ADGRL3: variants seen among roughly 807,000 people sequenced by gnomAD.
ADGRL3 encodes the protein calcium-independent alpha-latrotoxin receptor 3.
ADGRL3 carries 62 observed loss-of-function variants against 153.5 expected under a neutral mutation model. The observed-to-expected ratio is 0.40, with a 90% CI of 0.33 to 0.50. The LOEUF (loss-of-function observed/expected upper bound fraction) is 0.50. Ranked by LOEUF, ADGRL3 falls within the 20% of genes least tolerant of loss-of-function variation. The pLI, the probability that ADGRL3 is intolerant of heterozygous loss-of-function variation, is 0.47. For missense variants in ADGRL3, 1,641 were observed against 1,859.4 expected (o/e 0.88, Z 2.16); for synonymous variants, 710 against 672.5 (o/e 1.06, Z -0.86).
intron 2 of ADGRL3, among the ~76,000 whole-genome samples, chr4:61,487,437 G>A (rs1489885645): frequency 6.6e-6 from 1 of 152,060 alleles, no homozygotes; most frequent in Admixed American, 6.5e-5. Flanking sequence ...GGCACAGTAA[G>A]GGCTTAATAA....
chr4:61,549,747 A>G (rs1487616789), intron 4 of ADGRL3, among the ~76,000 whole-genome samples: 1 of 152,034 alleles, frequency 6.6e-6, no homozygotes, highest in Non-Finnish European at 1.5e-5. Flanking sequence ...GCCTTGAACA[A>G]TATCTTGCAT....
chr4:62,005,959 T>G (rs1466693760), intron 21 of ADGRL3, among the ~76,000 whole-genome samples: 2 of 105,876 alleles, frequency 1.9e-5, no homozygotes, highest in East Asian at 6.4e-4. Context: ...CATACATATA[T>G]ATACACATAC....
intron 2 of ADGRL3, among the ~76,000 whole-genome samples, chr4:61,445,509 T>C (rs1162468868): frequency 6.6e-6 from 1 of 152,198 alleles, no homozygotes; most frequent in East Asian, 1.9e-4. Flanking sequence ...GTCATAGGCC[T>C]TGAGAGAGAT....
At chr4:61,979,828 A>T in intron 18 of ADGRL3, 56 bp downstream of exon 18, 1 of 1,368,190 alleles carries the variant, frequency 7.3e-7, no homozygotes, top group Non-Finnish European at 1.0e-6. Context: ...GCTTTTCAGT[A>T]GCGCCAATAC....
chr4:61,435,086 A>G (rs1475751267), intron 2 of ADGRL3, among the ~76,000 whole-genome samples: 1 of 152,112 alleles, frequency 6.6e-6, no homozygotes, highest in Non-Finnish European at 1.5e-5. Context: ...ACATTTTTAA[A>G]TGCCAGAACA....
In ADGRL3 at chr4:61,202,417, G is replaced by A. The variant is rs980004890; in HGVS notation, c.-240+652G>A. Among the ~76,000 whole-genome samples, 1 of 152,286 alleles carries A rather than the reference G, an allele frequency of 6.6e-6. No individual in the cohort carries two copies. The highest frequency in any genetic ancestry group is 2.1e-4 in the South Asian group (1 of 4,830). On this transcript the variant is annotated intron_variant, in intron 1 of 26. Transcript: ENST00000683033. The surrounding 1 kb of genome is among the most constrained non-coding windows in gnomAD (Gnocchi z 5.0). Reference sequence around the variant, plus strand: ...CTTCACGGCAGTTTGGTTTAGACCTGCGTGCCCAGGCTTTGTTAGGCGGTT... The same window carrying A: ...CTTCACGGCAGTTTGGTTTAGACCTACGTGCCCAGGCTTTGTTAGGCGGTT...
At chr4:61,847,249 T>C (rs2149082875) in intron 9 of ADGRL3, among the ~76,000 whole-genome samples, 1 of 152,052 alleles carries the variant, frequency 6.6e-6, no homozygotes, top group East Asian at 1.9e-4. Context: ...TTCATGATTG[T>C]ATCCTTAAGA....
chr4:61,507,462 A>G (rs335288), intron 3 of ADGRL3, among the ~76,000 whole-genome samples: 32,344 of 152,080 alleles, frequency 0.21, 5,246 homozygotes, highest in African/African-American at 0.46. Flanking sequence ...CCAACATAAC[A>G]TAATCGATCA....
intron 9 of ADGRL3, among the ~76,000 whole-genome samples, chr4:61,829,708 A>C (rs2148843700): frequency 6.6e-6 from 1 of 152,318 alleles, no homozygotes; most frequent in South Asian, 2.1e-4. Context: ...TTTTAAAAAA[A>C]GAACTTCTCC....
At chr4:61,374,705 C>T (rs1423531602) in intron 1 of ADGRL3, among the ~76,000 whole-genome samples, 1 of 152,058 alleles carries the variant, frequency 6.6e-6, no homozygotes, top group African/African-American at 2.4e-5. Context: ...CCTTTCAGAC[C>T]TCCAGCCAGA....
At chr4:61,663,814 T>G (rs1320014738) in intron 5 of ADGRL3, among the ~76,000 whole-genome samples, 1 of 152,234 alleles carries the variant, frequency 6.6e-6, no homozygotes. Context: ...ATTCATTGTT[T>G]AGGATTGAGT....
At chr4:61,914,639 T>C (rs2098737078) in intron 13 of ADGRL3, among the ~76,000 whole-genome samples, 1 of 152,140 alleles carries the variant, frequency 6.6e-6, no homozygotes, top group Non-Finnish European at 1.5e-5. Flanking sequence ...GTTAGGTTGA[T>C]GTAAATGCTA....
intron 1 of ADGRL3, among the ~76,000 whole-genome samples, chr4:61,269,944 A>T (rs550328067): frequency 3.3e-5 from 5 of 151,696 alleles, no homozygotes; most frequent in Non-Finnish European, 7.4e-5. Flanking sequence ...ATTAAATGGC[A>T]TGCTCAAAGT....
chr4:62,055,668 G>A (rs968554305), intron 25 of ADGRL3, among the ~76,000 whole-genome samples: 14 of 151,344 alleles, frequency 9.3e-5, no homozygotes, highest in Non-Finnish European at 1.8e-4. Context: ...GATTCTATTC[G>A]TTGTTTTTTT....
chr4:61,365,172 G>A (rs1454103811), intron 1 of ADGRL3, among the ~76,000 whole-genome samples: 2 of 151,694 alleles, frequency 1.3e-5, no homozygotes, highest in Non-Finnish European at 2.9e-5. Context: ...GCCAAAGTTG[G>A]TTCTCTAAAT....
At chr4:61,274,919 C>G (rs28612293) in intron 1 of ADGRL3, among the ~76,000 whole-genome samples, 1 of 152,088 alleles carries the variant, frequency 6.6e-6, no homozygotes, top group Non-Finnish European at 1.5e-5. Flanking sequence ...CAGAACAAGA[C>G]CCTGTCTTCA....
intron 11 of ADGRL3, among the ~76,000 whole-genome samples, chr4:61,905,966 T>C (rs1333941521): frequency 6.6e-6 from 1 of 151,936 alleles, no homozygotes; most frequent in Non-Finnish European, 1.5e-5. Flanking sequence ...ATATTTTTCA[T>C]GTAAAATTTT....
intron 25 of ADGRL3, among the ~76,000 whole-genome samples, chr4:62,065,429 A>G (rs996342984): frequency 2.6e-5 from 4 of 152,060 alleles, no homozygotes; most frequent in African/African-American, 7.2e-5. Flanking sequence ...AGTAAACCCT[A>G]TAAAGGCTTG....
chr4:61,430,030 AATG>A (rs2097336204), intron 2 of ADGRL3, among the ~76,000 whole-genome samples: 2 of 152,144 alleles, frequency 1.3e-5, no homozygotes, highest in Non-Finnish European at 2.9e-5. Context: ...ATCCTAACTG[AATG>A]CTTTATCTTC....
Sources: gnomAD v4.1 joint callset for allele counts (sites outside exome capture counted in the v4.1 genomes callset) on GRCh38, gnomAD v4.1.1 for gene constraint, Gnocchi (gnomAD v3.1) non-coding constraint, MANE v1.5 for transcripts, NCBI Gene and HGNC (gene_info 2026-07-23, HGNC 2026-07-21) for gene names.